Variants in ZFHX3 observed in about 807,000 individuals in gnomAD.
The protein encoded by ZFHX3 is zinc finger homeobox protein 3.
ZFHX3 carries 42 observed loss-of-function variants against 279.1 expected under a neutral mutation model. The observed-to-expected ratio is 0.15, with a 90% CI of 0.12 to 0.19. The LOEUF is 0.19. Ranked by LOEUF, ZFHX3 falls within the 10% of genes least tolerant of loss-of-function variation. The pLI is 1.00. For missense variants in ZFHX3, 4,981 were observed against 4,754.0 expected (o/e 1.05, Z -1.40); for synonymous variants, 2,293 against 1,957.8 (o/e 1.17, Z -4.52).
chr16:73,344,061 A>G (rs750198719), intron 3 of ZFHX3, among the ~76,000 whole-genome samples: 2 of 152,224 alleles, frequency 1.3e-5, no homozygotes, highest in African/African-American at 2.4e-5. Context: ...CAGGATATTT[A>G]TGTCACTTCA....
chr16:73,603,999 G>A (rs979730372), intron 2 of ZFHX3, among the ~76,000 whole-genome samples: 12 of 151,700 alleles, frequency 7.9e-5, no homozygotes, highest in Admixed American at 2.6e-4. Flanking sequence ...GGCTGCTCTC[G>A]AACTCCTGAC....
intron 1 of ZFHX3, among the ~76,000 whole-genome samples, chr16:73,875,228 AT>A (rs940223377): frequency 7.9e-5 from 12 of 152,142 alleles, no homozygotes; most frequent in Non-Finnish European, 1.2e-4. Context: ...ATAATCAGCC[AT>A]TTTTGGCTAA....
intron 7 of ZFHX3, among the ~76,000 whole-genome samples, chr16:72,811,024 G>A (rs1216512859): frequency 6.6e-6 from 1 of 152,146 alleles, no homozygotes; most frequent in East Asian, 1.9e-4. Context: ...AGGACAACAG[G>A]TGCATGCACC....
intron 2 of ZFHX3, among the ~76,000 whole-genome samples, chr16:73,462,254 A>G (rs1391331985): frequency 6.6e-6 from 1 of 152,134 alleles, no homozygotes; most frequent in African/African-American, 2.4e-5. Flanking sequence ...AAGCTTTGTC[A>G]TTATTGTTTT....
At chr16:72,910,869 T>C (rs994326719) in intron 3 of ZFHX3, among the ~76,000 whole-genome samples, 3 of 152,162 alleles carry the variant, frequency 2.0e-5, no homozygotes, top group East Asian at 1.9e-4. Context: ...CTAGAAAAGA[T>C]GGTGCAGGAG....
At chr16:73,104,215 T>TCTTATGTATGTATTTA (rs1305335033) in intron 7 of ZFHX3, among the ~76,000 whole-genome samples, 63 of 87,628 alleles carry the variant, frequency 7.2e-4, no homozygotes, top group African/African-American at 2.9e-3. Flanking sequence ...TATGGATTTA[T>TCTTATGTATGTATTTA]TTTATGTATT....
chr16:72,968,916 GTGTATC>G (rs1436469246), intron 1 of ZFHX3, among the ~76,000 whole-genome samples: 1 of 152,094 alleles, frequency 6.6e-6, no homozygotes, highest in Non-Finnish European at 1.5e-5. Flanking sequence ...GTGTGTGTAT[GTGTATC>G]AGTATATACA....
chr16:72,845,848 C>T (rs2037466550), intron 4 of ZFHX3, among the ~76,000 whole-genome samples: 1 of 152,188 alleles, frequency 6.6e-6, no homozygotes, highest in Non-Finnish European at 1.5e-5. Context: ...AGTATTAGGA[C>T]TCTCATTTCA....
chr16:73,324,878 G>A (rs529130184), intron 3 of ZFHX3, among the ~76,000 whole-genome samples: 2 of 152,228 alleles, frequency 1.3e-5, no homozygotes, highest in Admixed American at 6.5e-5. Flanking sequence ...TCTCAGCCTC[G>A]GTTTTGTGAC....
At chr16:73,714,847 C>G (rs923343093) in intron 1 of ZFHX3, among the ~76,000 whole-genome samples, 44 of 152,204 alleles carry the variant, frequency 2.9e-4, no homozygotes, top group Non-Finnish European at 5.0e-4. Context: ...GAAATTCATA[C>G]CAGCTCCTCT....
rs577729421 is a variant in ZFHX3 at position 73,295,162 on chromosome 16, C to G, written c.-1194+23078G>C. 5.9e-5 allele frequency among the ~76,000 whole-genome samples: 9 copies of G among 152,308 alleles called. No homozygotes were observed. In the East Asian group the frequency reaches 1.5e-3, roughly 26 times the overall value. On this transcript the variant is annotated intron_variant, in intron 4 of 17. Coordinates refer to the ZFHX3 transcript ENST00000641206. ...CCCGGGAGGCGGAGCTTGCAGTGAG[C>G]TGAGATCGCGCCACTGCACTCCAGC...
chr16:73,092,015 A>G (rs546536519), intron 8 of ZFHX3, among the ~76,000 whole-genome samples: 56 of 152,374 alleles, frequency 3.7e-4, no homozygotes, highest in African/African-American at 1.3e-3. Flanking sequence ...TGTTGAACAT[A>G]GTGATGTAGT....
chr16:73,248,088 G>C (rs62654024), intron 5 of ZFHX3, among the ~76,000 whole-genome samples: 150,224 of 150,546 alleles, frequency 1, 74,951 homozygotes, highest in Non-Finnish European at 1. Flanking sequence ...TATAATGTGT[G>C]TGTGTATATG....
chr16:73,551,083 A>C (rs781488737), intron 2 of ZFHX3, among the ~76,000 whole-genome samples: 1 of 152,328 alleles, frequency 6.6e-6, no homozygotes, highest in South Asian at 2.1e-4. Flanking sequence ...GTTACACGAG[A>C]GATTGCTACT....
intron 5 of ZFHX3, among the ~76,000 whole-genome samples, chr16:73,248,612 CTGTG>C (rs1377066671): frequency 6.7e-5 from 10 of 149,750 alleles, no homozygotes; most frequent in East Asian, 6.1e-4. Flanking sequence ...GTGTATGTGT[CTGTG>C]TGTCTACGTG....
chr16:73,820,419 G>A (rs551919398), intron 1 of ZFHX3, among the ~76,000 whole-genome samples: 1 of 152,144 alleles, frequency 6.6e-6, no homozygotes, highest in South Asian at 2.1e-4. Context: ...CCTCTTTCTT[G>A]GAATGTCTGC....
intron 8 of ZFHX3, among the ~76,000 whole-genome samples, chr16:73,065,281 G>T (rs1351589304): frequency 6.6e-6 from 1 of 152,180 alleles, no homozygotes; most frequent in African/African-American, 2.4e-5. Flanking sequence ...ATAACGGAGG[G>T]ATGCGCGGCT....
intron 1 of ZFHX3, among the ~76,000 whole-genome samples, chr16:73,760,804 G>A (rs969301633): frequency 6.6e-6 from 1 of 151,884 alleles, no homozygotes; most frequent in Non-Finnish European, 1.5e-5. Flanking sequence ...AATAAAGAAA[G>A]GTACATTTGA....
At chr16:72,879,871 C>G (rs2038415733) in intron 4 of ZFHX3, among the ~76,000 whole-genome samples, 2 of 152,204 alleles carry the variant, frequency 1.3e-5, no homozygotes, top group African/African-American at 4.8e-5. Flanking sequence ...GGCCGGCTGT[C>G]AGTCCTCTTG....
Sources: allele counts gnomAD v4.1 joint callset (sites outside exome capture counted in the v4.1 genomes callset), GRCh38; gene constraint gnomAD v4.1.1; transcripts MANE v1.5; gene names NCBI Gene and HGNC (gene_info 2026-07-23, HGNC 2026-07-21).